SYT8: variants seen among roughly 807,000 people sequenced by gnomAD.
SYT8 encodes the protein synaptotagmin-8.
SYT8 carries 50 observed loss-of-function variants against 34.9 expected under a neutral mutation model. That is an observed-to-expected ratio of 1.43 (90% CI 1.14 to 1.81). SYT8 has a LOEUF of 1.81. SYT8 is among the 40% of genes most tolerant of loss of function. SYT8 has a pLI of 0.00. For synonymous variants in SYT8, 255 were observed against 234.2 expected, an observed-to-expected ratio of 1.09 and a Z score of -0.81; for missense variants, 595 against 529.0, an observed-to-expected ratio of 1.12 and a Z score of -1.22.
upstream of SYT8, among the ~76,000 whole-genome samples, chr11:1,832,898 C>T (rs11828241): frequency 9.2e-3 from 1,404 of 152,220 alleles, 25 homozygotes; most frequent in African/African-American, 0.032. Context: ...GGAGGGGGGA[C>T]GCCAGCAAAG....
upstream of SYT8, among the ~76,000 whole-genome samples, chr11:1,833,306 C>A (rs1452039092): frequency 6.6e-6 from 1 of 152,226 alleles, no homozygotes; most frequent in Non-Finnish European, 1.5e-5. Flanking sequence ...CTGCAGGGGA[C>A]TCACCCAAAG....
At chr11:1,833,193 G>A (rs542424016), upstream of SYT8, among the ~76,000 whole-genome samples, 14 of 152,234 alleles carry the variant, frequency 9.2e-5, no homozygotes, top group African/African-American at 3.4e-4. Context: ...CAGTAGGAGC[G>A]CTCCGCCAGC....
At chr11:1,834,579 A>G (rs1338046932), upstream of SYT8, 3 of 1,585,116 alleles carry the variant, frequency 1.9e-6, no homozygotes, top group African/African-American at 1.3e-5. This position sits in a 1 kb window ranked among gnomAD's most constrained non-coding sequence, Gnocchi z 4.5. Context: ...AACATGCTCC[A>G]CCTGCATGGC....
chr11:1,834,636 G>A, upstream of SYT8: 1 of 1,576,682 alleles, frequency 6.3e-7, no homozygotes, highest in Non-Finnish European at 8.6e-7. This position sits in a 1 kb window ranked among gnomAD's most constrained non-coding sequence, Gnocchi z 4.5. Flanking sequence ...TGGGGTAGAG[G>A]CAAGGAAGTG....
Position 1,835,920 on chromosome 11 carries a change from CG to C in SYT8, c.298del (p.Asp100MetfsTer25). The C allele has an allele frequency of 1.9e-6, 3 of 1,608,542 alleles. No individual in the cohort carries two copies. In the South Asian group the frequency reaches 3.3e-5, roughly 18 times the overall value. On this transcript the variant is annotated frameshift_variant, in exon 3 of 8. Transcript: ENST00000341958. LOFTEE classifies it high-confidence loss of function. Reference protein sequence around the residue: ...QPDVDGLESSPGDAQQWGCLQ... With the variant: ...QPDVDGLESSXGDAQQWGCLQ... Reference sequence around the variant, plus strand: ...GATGTGGATGGCCTGGAGTCCAGCCCGGGGGATGCTCAGCAATGGGGGTGCC... The same window carrying C: ...GATGTGGATGGCCTGGAGTCCAGCCCGGGGATGCTCAGCAATGGGGGTGCC...
In SYT8 at chr11:1,836,414, C is replaced by A. The variant is rs763285092; in HGVS notation, c.517-11C>A. ...TAGGGCAGCAGGGCCTGGCTCACGC[C>A]GCTGCCTCAGATCCCGCAGGCGGAG... On this transcript the variant is annotated splice_polypyrimidine_tract_variant and intron_variant, in intron 4 of 7. Transcript: ENST00000341958. 1.7e-5 allele frequency: 26 copies of A among 1,536,274 alleles called. No individual in the cohort carries two copies. In the African/African-American group the frequency reaches 3.0e-4, roughly 18 times the overall value.
intron 6 of SYT8, 30 bp from the exon 7 acceptor site, chr11:1,836,927 G>T: frequency 1.2e-6 from 2 of 1,613,092 alleles, no homozygotes; most frequent in East Asian, 4.5e-5. Context: ...CGAGCCCTGG[G>T]ATGCCCCTTC....
intron 2 of SYT8, 126 bp downstream of exon 2, chr11:1,835,585 AC>A: frequency 3.5e-6 from 4 of 1,158,558 alleles, no homozygotes; most frequent in Non-Finnish European, 4.9e-6. Flanking sequence ...GGCGTTGAGG[AC>A]CTTCCTGGCA....
upstream of SYT8, chr11:1,834,817 G>T (rs1846811553): frequency 3.0e-6 from 2 of 657,974 alleles, no homozygotes; most frequent in Admixed American, 5.8e-5. The surrounding 1 kb of genome is among the most constrained non-coding windows in gnomAD (Gnocchi z 4.5). Flanking sequence ...GGACTAGGCT[G>T]CCCAGGCCCT....
upstream of SYT8, chr11:1,834,217 C>G: frequency 5.0e-6 from 2 of 400,096 alleles, no homozygotes; most frequent in Non-Finnish European, 9.1e-6. This position sits in a 1 kb window ranked among gnomAD's most constrained non-coding sequence, Gnocchi z 4.5. Context: ...GCCAGCCCAG[C>G]CAGGTGTGCT....
chr11:1,834,290 T>A, upstream of SYT8: 1 of 538,538 alleles, frequency 1.9e-6, no homozygotes, highest in Non-Finnish European at 3.3e-6. The surrounding 1 kb of genome is among the most constrained non-coding windows in gnomAD (Gnocchi z 4.5). Flanking sequence ...CCACCTTCCT[T>A]CCCACCCACA....
At chr11:1,832,144 C>G (rs1162232477), upstream of SYT8, among the ~76,000 whole-genome samples, 3 of 152,206 alleles carry the variant, frequency 2.0e-5, no homozygotes, top group Admixed American at 2.0e-4. Context: ...GAATTCAGCA[C>G]AAAACGTCAT....
At chr11:1,836,369 G>A in intron 4 of SYT8, 56 bp from the exon 5 acceptor site, 7 of 1,498,914 alleles carry the variant, frequency 4.7e-6, no homozygotes, top group Non-Finnish European at 6.2e-6. Flanking sequence ...GTGGGCCTGG[G>A]CAGCTGGGTG....
At position 1,835,438 on chromosome 11, in the gene SYT8, C is replaced by A. The variant is rs369395592; in HGVS notation, c.237C>A (p.Arg79=). 1 of 1,609,606 alleles carries A rather than the reference C, an allele frequency of 6.2e-7. No individual in the cohort carries two copies. Among genetic ancestry groups the A allele is most frequent in the Non-Finnish European group, 8.5e-7 (1 of 1,179,562 alleles). The change falls in exon 2 of 8, where the codon CGC becomes CGA. Residue 79 remains arginine, a synonymous_variant. Transcript: ENST00000341958. ...AGTCCGTGGGTCTGGGCAGTGCCCG[C>A]GGCACCACCACCACCCACCTGGTGA... ...DKESVGLGSA[R]GTTTTHLVQP... is the part of the protein sequence containing the mutation.
upstream of SYT8, chr11:1,834,916 G>T: frequency 1.6e-6 from 1 of 644,976 alleles, no homozygotes; most frequent in Non-Finnish European, 2.7e-6. This position sits in a 1 kb window ranked among gnomAD's most constrained non-coding sequence, Gnocchi z 4.5. Flanking sequence ...AGGGTCCAGA[G>T]CCTCCCTCCC....
chr11:1,837,392 GCC>G lies in SYT8; in HGVS notation c.1128_1129del (p.Arg377ProfsTer36), dbSNP rs1847013803. On this transcript the variant is annotated frameshift_variant, in exon 8 of 8. Coordinates refer to ENST00000341958, the MANE Select transcript of SYT8 (RefSeq NM_001394072.1). LOFTEE classifies it high-confidence loss of function. ...AGGTGGACCGCATGCTGGCCCTGCA[GCC>G]CCGCCTTCGCCTGCGCCTGCCCTTG... is the stretch of plus-strand genomic sequence containing the variant. Reference protein sequence around the residue: ...REVDRMLALQPRLRLRLPLPH... With the variant: ...REVDRMLALQXRLRLRLPLPH... The G allele has an allele frequency of 6.2e-7, 1 of 1,603,924 alleles. No individual in the cohort carries two copies. The highest frequency in any genetic ancestry group is 2.2e-5 in the East Asian group (1 of 44,868).
Position 1,835,383 on chromosome 11 carries a change from G to T in SYT8, c.182G>T (p.Arg61Leu), listed in dbSNP as rs752334706. The change falls in exon 2 of 8, where the codon CGC (arginine) becomes CTC (leucine). Residue 61 changes from arginine (R) to leucine (L), a missense_variant. Transcript: ENST00000341958. ...CTCTGTGCTGCCTGCTGCTGCTGCC[G>T]CCGCCACAGGAAGAAGCCCAGGGAC... ...CLLCAACCCCRRHRKKPRDKE... is the reference protein window; with the variant it reads ...CLLCAACCCCLRHRKKPRDKE... 1.9e-6 allele frequency: 3 copies of T among 1,607,644 alleles called. No homozygotes were observed. The highest frequency in any genetic ancestry group is 3.3e-5 in the Admixed American group (2 of 59,914).
In SYT8 at chr11:1,836,301, C is replaced by T. The variant is rs1348598647; in HGVS notation, c.516+17C>T. 8.6e-6 allele frequency: 13 copies of T among 1,519,038 alleles called. No homozygotes were observed. Among genetic ancestry groups the T allele is most frequent in the East Asian group, 2.4e-5 (1 of 42,050 alleles). The allele number at this position is 1,519,038 out of a possible 1,614,324, so 94.1% of individuals were successfully genotyped here. ...TGCTTCCACGTGAGTCAGGGATGGT[C>T]GGCTGGGTGGGCCTGGACGGCTGGA... On this transcript the variant is annotated intron_variant, in intron 4 of 7. Coordinates refer to ENST00000341958, the MANE Select transcript of SYT8 (RefSeq NM_001394072.1).
chr11:1,833,809 C>T (rs980008918), upstream of SYT8: 49 of 145,442 alleles, frequency 3.4e-4, 1 homozygote, highest in Admixed American at 7.8e-4. Flanking sequence ...ATGCTGTGTG[C>T]GCGTGCGTGT....
Sources: allele counts gnomAD v4.1 joint callset (sites outside exome capture counted in the v4.1 genomes callset), GRCh38; gene constraint gnomAD v4.1.1; non-coding constraint Gnocchi (gnomAD v3.1); transcripts MANE v1.5; gene names NCBI Gene and HGNC (gene_info 2026-07-23, HGNC 2026-07-21).